Variants in JMJD1C observed in about 807,000 individuals in gnomAD.
The protein encoded by JMJD1C is jumonji domain containing 1C, also known as jumonji domain-containing protein 1C.
Under a neutral mutation model 245.3 loss-of-function variants are expected in JMJD1C, and 31 were observed. The observed-to-expected ratio is 0.13, with a 90% CI of 0.09 to 0.17. The LOEUF (loss-of-function observed/expected upper bound fraction) is 0.17, where lower values mean the gene tolerates loss of function less well. Ranked by LOEUF, JMJD1C falls within the 10% of genes least tolerant of loss-of-function variation. The pLI is 1.00. For missense variants in JMJD1C, 2,691 were observed against 3,000.2 expected (o/e 0.90, Z 2.41); for synonymous variants, 1,057 against 1,017.4 (o/e 1.04, Z -0.74).
intron 24 of JMJD1C, among the ~76,000 whole-genome samples, chr10:63,175,337 T>C (rs1842782573): frequency 6.6e-6 from 1 of 152,194 alleles, no homozygotes; most frequent in African/African-American, 2.4e-5. Context: ...TTAATGTAAA[T>C]ACATTTTTTC....
intron 2 of JMJD1C, among the ~76,000 whole-genome samples, chr10:63,366,603 A>G (rs2134399501): frequency 6.6e-6 from 1 of 152,330 alleles, no homozygotes. Context: ...AGAATGAGGG[A>G]TGACAAACCT....
chr10:63,358,598 G>A (rs968370965), intron 2 of JMJD1C: 1 of 151,980 alleles, frequency 6.6e-6, no homozygotes, highest in African/African-American at 2.4e-5. Context: ...TGAAAACTCA[G>A]TAATATGGTT....
intron 1 of JMJD1C, among the ~76,000 whole-genome samples, chr10:63,448,102 T>C (rs568759413): frequency 1.3e-5 from 2 of 152,192 alleles, no homozygotes; most frequent in Non-Finnish European, 2.9e-5. Flanking sequence ...TTTCATCCTT[T>C]GTGCATTACT....
At chr10:63,331,311 C>A (rs1942114884) in intron 2 of JMJD1C, among the ~76,000 whole-genome samples, 2 of 152,156 alleles carry the variant, frequency 1.3e-5, no homozygotes, top group South Asian at 4.1e-4. Flanking sequence ...AAACCCACTT[C>A]TCATTACTTA....
intron 22 of JMJD1C, 135 bp downstream of exon 22, chr10:63,183,311 GC>G: frequency 1.5e-6 from 1 of 652,016 alleles, no homozygotes; most frequent in Non-Finnish European, 2.5e-6. Flanking sequence ...AGTAATAAGG[GC>G]TAAAATGCCC....
chr10:63,203,939 A>G (rs974433445), intron 10 of JMJD1C: 3 of 979,794 alleles, frequency 3.1e-6, no homozygotes, highest in Non-Finnish European at 3.6e-6. Flanking sequence ...CATGAAGTAG[A>G]TAATCCATTA....
intron 1 of JMJD1C, among the ~76,000 whole-genome samples, chr10:63,394,844 CAAAAAA>C (rs35359377): frequency 3.9e-5 from 5 of 127,024 alleles, no homozygotes; most frequent in Admixed American, 8.0e-5. Flanking sequence ...AACTCCATCA[CAAAAAA>C]AAAAAAAAGT....
upstream of JMJD1C, among the ~76,000 whole-genome samples, chr10:63,467,101 T>C (rs1473544555): frequency 6.6e-6 from 1 of 152,186 alleles, no homozygotes; most frequent in African/African-American, 2.4e-5. Flanking sequence ...ACACTCAAGC[T>C]GGGCAATTTG....
chr10:63,304,728 C>T (rs1437077845), intron 2 of JMJD1C, among the ~76,000 whole-genome samples: 1 of 152,102 alleles, frequency 6.6e-6, no homozygotes, highest in African/African-American at 2.4e-5. Context: ...GATCAGATGG[C>T]AATTGCTTTT....
chr10:63,200,837 A>C (rs1420442492), intron 10 of JMJD1C, among the ~76,000 whole-genome samples, 160 bp from the exon 11 acceptor site: 1 of 152,240 alleles, frequency 6.6e-6, no homozygotes. Context: ...AATGACTAAA[A>C]AGTGCAGCAG....
At chr10:63,206,451 G>T in intron 10 of JMJD1C, 144 bp downstream of exon 10, 1 of 537,196 alleles carries the variant, frequency 1.9e-6, no homozygotes, top group Non-Finnish European at 3.2e-6. Context: ...GTAGAAATGA[G>T]ATCAATGAGC....
chr10:63,355,074 AAGAT>A (rs1944718753), intron 2 of JMJD1C, among the ~76,000 whole-genome samples: 1 of 152,116 alleles, frequency 6.6e-6, no homozygotes, highest in South Asian at 2.1e-4. Flanking sequence ...AATGCTGAGT[AAGAT>A]AGAGATTTTT....
intron 2 of JMJD1C, among the ~76,000 whole-genome samples, chr10:63,326,448 A>G (rs1176320378): frequency 6.6e-6 from 1 of 152,058 alleles, no homozygotes; most frequent in Non-Finnish European, 1.5e-5. Context: ...ATATGGTAAC[A>G]ATTTATTACA....
chr10:63,358,507 CTG>C (rs906652718), intron 2 of JMJD1C, among the ~76,000 whole-genome samples: 4 of 151,824 alleles, frequency 2.6e-5, no homozygotes, highest in African/African-American at 9.7e-5. Context: ...TAGCAAGATC[CTG>C]TCTCTTTAAT....
At chr10:63,287,631 G>C (rs781620355) in intron 2 of JMJD1C, among the ~76,000 whole-genome samples, 4 of 152,140 alleles carry the variant, frequency 2.6e-5, no homozygotes, top group Non-Finnish European at 5.9e-5. Context: ...TCTTATTCTA[G>C]AGCAGAGGAT....
intron 24 of JMJD1C, among the ~76,000 whole-genome samples, chr10:63,175,165 C>T (rs1842766382): frequency 1.3e-5 from 2 of 152,230 alleles, no homozygotes; most frequent in South Asian, 4.1e-4. Context: ...TAAATAGGCT[C>T]TTCTTTTGAG....
At chr10:63,388,565 T>C (rs1388779399) in intron 1 of JMJD1C, among the ~76,000 whole-genome samples, 2 of 151,770 alleles carry the variant, frequency 1.3e-5, no homozygotes, top group Admixed American at 6.6e-5. Flanking sequence ...GTAGAGCAAA[T>C]ACAATCAAGG....
At chr10:63,359,814 C>T (rs1945171080) in intron 2 of JMJD1C, among the ~76,000 whole-genome samples, 1 of 151,970 alleles carries the variant, frequency 6.6e-6, no homozygotes. Context: ...AATTTAAACT[C>T]TTTTTTAAGG....
intron 1 of JMJD1C, among the ~76,000 whole-genome samples, chr10:63,433,229 T>C (rs1950874059): frequency 6.6e-6 from 1 of 151,912 alleles, no homozygotes; most frequent in Non-Finnish European, 1.5e-5. Context: ...CCCGAGTAGC[T>C]GGGATTACAG....
Sources: gnomAD v4.1 joint callset for allele counts (sites outside exome capture counted in the v4.1 genomes callset) on GRCh38, gnomAD v4.1.1 for gene constraint, MANE v1.5 for transcripts, NCBI Gene and HGNC (gene_info 2026-07-23, HGNC 2026-07-21) for gene names.